The following ANKS1B variants were observed in gnomAD, a reference collection of about 807,000 sequenced individuals.
The protein encoded by ANKS1B is ankyrin repeat and sterile alpha motif domain-containing protein 1B.
A neutral mutation model predicts 148.3 loss-of-function variants in ANKS1B; 36 were observed. The ratio of observed to expected loss-of-function variants is 0.24; its 90% confidence interval spans 0.19 to 0.32. ANKS1B has a LOEUF of 0.32. Ranked by LOEUF, ANKS1B falls within the 10% of genes least tolerant of loss-of-function variation. The pLI, the probability that ANKS1B is intolerant of heterozygous loss-of-function variation, is 1.00. For missense variants in ANKS1B, 1,157 were observed against 1,542.6 expected (o/e 0.75, Z 4.19); for synonymous variants, 542 against 560.8 (o/e 0.97, Z 0.47).
chr12:99,825,917 G>T (rs1171348715), intron 1 of ANKS1B, among the ~76,000 whole-genome samples: 5 of 152,144 alleles, frequency 3.3e-5, no homozygotes, highest in African/African-American at 1.2e-4. Flanking sequence ...TGAAGATTTG[G>T]ACTGTTGTAA....
chr12:99,483,389 T>C (rs2096442962), intron 10 of ANKS1B, among the ~76,000 whole-genome samples: 1 of 151,656 alleles, frequency 6.6e-6, no homozygotes, highest in African/African-American at 2.4e-5. Context: ...ATGTGCTGGA[T>C]TTGGTTAGCT....
chr12:99,389,792 T>TA lies in ANKS1B; in HGVS notation c.1756+9838dup, dbSNP rs34302084. 1.6e-3 allele frequency among the ~76,000 whole-genome samples: 246 copies of TA among 151,280 alleles called. 1 individual carries two copies. The highest frequency in any genetic ancestry group is 5.5e-3 in the African/African-American group (227 of 41,258). ...AAATTGAGTTAATAAAAAATTGATT[T>TA]AAAAAAAAACAGATTTTCAACACAA... On this transcript the variant is annotated intron_variant, in intron 12 of 26. Coordinates refer to ENST00000683438, the MANE Select transcript of ANKS1B (RefSeq NM_001352186.2).
chr12:98,855,758 T>TC (rs2153791014), intron 17 of ANKS1B, among the ~76,000 whole-genome samples: 1 of 152,218 alleles, frequency 6.6e-6, no homozygotes, highest in East Asian at 1.9e-4. Context: ...CCAGTGATTT[T>TC]TTTTAAAAAA....
At chr12:99,002,500 T>G (rs1392751796) in intron 17 of ANKS1B, among the ~76,000 whole-genome samples, 9 of 151,986 alleles carry the variant, frequency 5.9e-5, no homozygotes, top group Admixed American at 4.6e-4. Context: ...CTTTTTTTTT[T>G]TGTGATGAGA....
chr12:99,468,102 T>C (rs1466183847), intron 10 of ANKS1B, among the ~76,000 whole-genome samples: 3 of 152,050 alleles, frequency 2.0e-5, no homozygotes, highest in Non-Finnish European at 4.4e-5. Flanking sequence ...TATAGATCAA[T>C]GGAACAGAAC....
chr12:99,542,057 G>C (rs1345034595), intron 9 of ANKS1B, among the ~76,000 whole-genome samples: 1 of 152,140 alleles, frequency 6.6e-6, no homozygotes, highest in Non-Finnish European at 1.5e-5. Flanking sequence ...TGTACTGAAG[G>C]TTCTAGTCAG....
chr12:99,484,773 T>TGTTG (rs2096465121), intron 10 of ANKS1B, among the ~76,000 whole-genome samples: 3 of 150,470 alleles, frequency 2.0e-5, no homozygotes, highest in African/African-American at 7.3e-5. Flanking sequence ...TGTTTTTTTT[T>TGTTG]TTTTTTTTTT....
At chr12:98,863,939 T>A (rs548455145) in intron 17 of ANKS1B, among the ~76,000 whole-genome samples, 1 of 152,312 alleles carries the variant, frequency 6.6e-6, no homozygotes, top group South Asian at 2.1e-4. Context: ...GGCAACAGAT[T>A]TACCTTAGAC....
At position 98,953,537 on chromosome 12, in the gene ANKS1B, G is replaced by GTTTTTTTTTTTT. The variant is rs1166158783; in HGVS notation, c.2778+99608_2778+99619dup. Among the ~76,000 whole-genome samples the GTTTTTTTTTTTT allele has an allele frequency of 1.3e-3, 75 of 57,458 alleles. 12 individuals are homozygous for GTTTTTTTTTTTT. The highest frequency in any genetic ancestry group is 4.9e-3 in the African/African-American group (66 of 13,572). The allele number at this position is 57,458 out of a possible 152,430, so 37.7% of individuals were successfully genotyped here. A position where few individuals can be genotyped will look rare whatever the true frequency, so the allele number is the denominator to read the frequency against. On this transcript the variant is annotated intron_variant, in intron 17 of 26. Coordinates refer to ENST00000683438, the MANE Select transcript of ANKS1B (RefSeq NM_001352186.2). ...CATGTCCATTTGAGAATCTAGAGTG[G>GTTTTTTTTTTTT]TTTTTTTTTTTTTTTTTTTTTTTTT...
intron 1 of ANKS1B, among the ~76,000 whole-genome samples, chr12:99,961,756 G>A (rs1027155057): frequency 2.0e-5 from 3 of 152,170 alleles, no homozygotes; most frequent in African/African-American, 7.2e-5. Context: ...CATCCCAAGA[G>A]TCAAGAGTTT....
intron 8 of ANKS1B, among the ~76,000 whole-genome samples, chr12:99,729,714 G>T (rs1176169977): frequency 8.5e-5 from 13 of 152,088 alleles, no homozygotes; most frequent in Admixed American, 8.5e-4. Flanking sequence ...GTAAATTTCT[G>T]TTGGTAACTG....
In ANKS1B at chr12:98,744,475, T is replaced by A; in HGVS notation, c.*1264A>T. On this transcript the variant is annotated 3_prime_UTR_variant, in exon 27 of 27. Coordinates refer to ENST00000683438, the MANE Select transcript of ANKS1B (RefSeq NM_001352186.2). ...GTTAGAACAATATACATTAAAATGT[T>A]ATTTTTTTCTATAATGATATTGGTA... 1 of 663,574 alleles carries A rather than the reference T, an allele frequency of 1.5e-6. No individual in the cohort carries two copies. The highest frequency in any genetic ancestry group is 1.9e-6 in the Non-Finnish European group (1 of 536,078). The allele number at this position is 663,574 out of a possible 1,614,324, so 41.1% of individuals were successfully genotyped here. A position where few individuals can be genotyped will look rare whatever the true frequency, so the allele number is the denominator to read the frequency against.
chr12:99,431,187 T>C (rs1462224414), intron 11 of ANKS1B, among the ~76,000 whole-genome samples: 1 of 152,254 alleles, frequency 6.6e-6, no homozygotes, highest in Non-Finnish European at 1.5e-5. Flanking sequence ...GATTTAAAAC[T>C]TGTTCTTCAA....
intron 17 of ANKS1B, among the ~76,000 whole-genome samples, chr12:98,918,359 G>A (rs574304040): frequency 2.0e-4 from 30 of 152,314 alleles, no homozygotes; most frequent in African/African-American, 6.5e-4. Context: ...ATGTGTAAGC[G>A]GAAGCTATGA....
At chr12:98,791,342 A>AG (rs1364891576) in intron 22 of ANKS1B, among the ~76,000 whole-genome samples, 13 of 151,984 alleles carry the variant, frequency 8.6e-5, no homozygotes, top group Non-Finnish European at 4.4e-5. Context: ...AAAAAAAAAA[A>AG]AAAGAAAACA....
chr12:99,899,772 A>G (rs2093520165), intron 1 of ANKS1B, among the ~76,000 whole-genome samples: 1 of 152,200 alleles, frequency 6.6e-6, no homozygotes, highest in South Asian at 2.1e-4. Context: ...ACTAAGTTAA[A>G]AATAATAATG....
chr12:99,880,104 G>A (rs1403436462), intron 1 of ANKS1B, among the ~76,000 whole-genome samples: 1 of 152,162 alleles, frequency 6.6e-6, no homozygotes, highest in Non-Finnish European at 1.5e-5. Flanking sequence ...GAGTGATGAT[G>A]AGGATTAAGT....
Position 99,605,579 on chromosome 12 carries a change from G to A in ANKS1B, c.1272+49488C>T, listed in dbSNP as rs563604375. 2.0e-5 allele frequency among the ~76,000 whole-genome samples: 3 copies of A among 152,150 alleles called. No individual in the cohort carries two copies. In the South Asian group the frequency reaches 6.3e-4, roughly 32 times the overall value. Reference sequence around the variant, plus strand: ...AGCTCCCACATATGAGTGAGAATATGTAGCATTTGTCTTTCTGTGTCTGGC... The same window carrying A: ...AGCTCCCACATATGAGTGAGAATATATAGCATTTGTCTTTCTGTGTCTGGC... On this transcript the variant is annotated intron_variant, in intron 9 of 26. Transcript: ENST00000683438.
chr12:99,690,477 T>C (rs1385668640), intron 8 of ANKS1B, among the ~76,000 whole-genome samples: 1 of 152,126 alleles, frequency 6.6e-6, no homozygotes, highest in East Asian at 1.9e-4. Flanking sequence ...AGCAAGTTAG[T>C]TACTTCCTAG....
Sources: allele counts gnomAD v4.1 joint callset (sites outside exome capture counted in the v4.1 genomes callset), GRCh38; gene constraint gnomAD v4.1.1; transcripts MANE v1.5; gene names NCBI Gene and HGNC (gene_info 2026-07-23, HGNC 2026-07-21).